PDE4D: variants seen among roughly 807,000 people sequenced by gnomAD.
PDE4D encodes phosphodiesterase 4D.
In PDE4D, 24 loss-of-function variants were observed where a neutral mutation model predicts 87.4. That is an observed-to-expected ratio of 0.27 (90% CI 0.20 to 0.39). The LOEUF (loss-of-function observed/expected upper bound fraction) is 0.39. PDE4D is among the 10% of genes least tolerant of loss of function. The probability of loss-of-function intolerance (pLI) is 1.00; values close to 1 mark genes in which losing one functional copy is unlikely to be tolerated. For missense variants in PDE4D, 714 were observed against 1,041.0 expected, an observed-to-expected ratio of 0.69 and a Z score of 4.32; for synonymous variants, 384 against 383.2, an observed-to-expected ratio of 1.00 and a Z score of -0.02.
chr5:59,687,814 C>G (rs1452536091), intron 1 of PDE4D, among the ~76,000 whole-genome samples: 3 of 152,108 alleles, frequency 2.0e-5, no homozygotes, highest in African/African-American at 7.2e-5. Context: ...GTGCTGTATT[C>G]AGGAGACCCA....
intron 1 of PDE4D, among the ~76,000 whole-genome samples, chr5:59,854,172 A>G (rs1416164508): frequency 2.6e-5 from 4 of 152,078 alleles, no homozygotes; most frequent in Admixed American, 2.0e-4. Flanking sequence ...ACTGGTTATG[A>G]GCGCTTTCTC....
chr5:60,339,184 G>GT (rs1269049796), intron 1 of PDE4D, among the ~76,000 whole-genome samples: 3 of 151,690 alleles, frequency 2.0e-5, no homozygotes, highest in East Asian at 1.9e-4. Context: ...TATAATTTTT[G>GT]TTTTTTTCCT....
At chr5:59,360,714 T>C (rs982239128) in intron 1 of PDE4D, among the ~76,000 whole-genome samples, 3 of 152,214 alleles carry the variant, frequency 2.0e-5, no homozygotes, top group African/African-American at 7.2e-5. Context: ...CTAAACCTTA[T>C]ATGAGTCTAC....
At chr5:59,018,729 G>T (rs886341482) in intron 6 of PDE4D, among the ~76,000 whole-genome samples, 1 of 151,952 alleles carries the variant, frequency 6.6e-6, no homozygotes, top group African/African-American at 2.4e-5. Flanking sequence ...CAAAAGTGTT[G>T]TTCCCTAAAA....
At chr5:60,090,672 A>C (rs898996206) in intron 2 of PDE4D, among the ~76,000 whole-genome samples, 4 of 152,186 alleles carry the variant, frequency 2.6e-5, no homozygotes, top group Admixed American at 2.6e-4. Context: ...TGGAAGTCCT[A>C]TCACAGCGGT....
rs533020448 is a variant in PDE4D, at chr5:60,244,502, T to C, written c.-89-58815A>G. On this transcript the variant is annotated intron_variant, in intron 1 of 16. Coordinates refer to the PDE4D transcript ENST00000502484. ...CCCAGAATAGCCAAATCTATCCTAA[T>C]CAAAAGGAACAAAACTGGAGGAATC... Among the ~76,000 whole-genome samples the C allele has an allele frequency of 3.3e-5, 5 of 151,686 alleles. No individual in the cohort carries two copies. The South Asian group carries it at 8.3e-4, about 25-fold the overall frequency.
At position 59,243,448 on chromosome 5, in the gene PDE4D, C is replaced by CTTTT. The variant is rs767287011; in HGVS notation, c.456-27484_456-27481dup. ...TCACTATACAATTTCTTAAAATAACCTTTTTTTTTTTTTTTTTTTTTTTTT... is the reference window on the plus strand; with the variant it reads ...TCACTATACAATTTCTTAAAATAACCTTTTTTTTTTTTTTTTTTTTTTTTTTTTT... On this transcript the variant is annotated intron_variant, in intron 1 of 14. Transcript: ENST00000340635. Among the ~76,000 whole-genome samples the CTTTT allele has an allele frequency of 6.6e-3, 480 of 72,298 alleles. 87 individuals carry two copies. The highest frequency in any genetic ancestry group is 0.022 in the African/African-American group (346 of 16,044). 47.4% of individuals were successfully genotyped at this position (72,298 alleles called of 152,430 possible). A position where few individuals can be genotyped will look rare whatever the true frequency, so the allele number is the denominator to read the frequency against.
intron 1 of PDE4D, among the ~76,000 whole-genome samples, chr5:60,505,576 T>C (rs1323154341): frequency 2.0e-5 from 3 of 152,174 alleles, no homozygotes; most frequent in African/African-American, 7.2e-5. Flanking sequence ...CTTTTCATCA[T>C]AGGTTTGATT....
intron 3 of PDE4D, among the ~76,000 whole-genome samples, chr5:59,985,847 A>C (rs1451386518): frequency 1.3e-5 from 2 of 152,190 alleles, no homozygotes; most frequent in East Asian, 3.9e-4. Flanking sequence ...ATCTGTATAC[A>C]TGAGTTTCAC....
At chr5:59,357,006 G>C in intron 1 of PDE4D, 5 of 852,570 alleles carry the variant, frequency 5.9e-6, no homozygotes, top group Non-Finnish European at 8.1e-6. Flanking sequence ...TGGCAGGCTG[G>C]CTGAGGCAGG....
At chr5:59,517,992 T>C (rs560237056) in intron 1 of PDE4D, among the ~76,000 whole-genome samples, 13 of 152,180 alleles carry the variant, frequency 8.5e-5, no homozygotes, top group Non-Finnish European at 1.8e-4. Flanking sequence ...AATTAATTAT[T>C]TGTTGTTGCT....
chr5:59,137,145 A>G (rs1777192289), intron 5 of PDE4D, among the ~76,000 whole-genome samples: 1 of 152,158 alleles, frequency 6.6e-6, no homozygotes, highest in African/African-American at 2.4e-5. Flanking sequence ...CAGATGCCAA[A>G]GAGTCCTCCT....
intron 3 of PDE4D, among the ~76,000 whole-genome samples, chr5:59,189,737 C>T (rs1270105291): frequency 6.6e-6 from 1 of 152,028 alleles, no homozygotes; most frequent in Non-Finnish European, 1.5e-5. Context: ...AACACCCACA[C>T]CAAAAGATTT....
At chr5:60,213,109 T>C (rs1181460614) in intron 1 of PDE4D, among the ~76,000 whole-genome samples, 1 of 152,156 alleles carries the variant, frequency 6.6e-6, no homozygotes, top group Non-Finnish European at 1.5e-5. Flanking sequence ...TCTCCCTTCT[T>C]CCAGAGAGCT....
At chr5:59,555,567 G>A (rs1818763163) in intron 1 of PDE4D, among the ~76,000 whole-genome samples, 1 of 152,148 alleles carries the variant, frequency 6.6e-6, no homozygotes, top group African/African-American at 2.4e-5. Context: ...TGGAAAAACA[G>A]CAAAAGGAAG....
intron 1 of PDE4D, among the ~76,000 whole-genome samples, chr5:59,233,465 T>A (rs554212773): frequency 6.6e-6 from 1 of 152,306 alleles, no homozygotes; most frequent in Admixed American, 6.5e-5. Flanking sequence ...AAACCCAGAC[T>A]AGAACCACTC....
intron 5 of PDE4D, among the ~76,000 whole-genome samples, chr5:59,179,959 A>C (rs1561642545): frequency 1.3e-5 from 2 of 152,164 alleles, no homozygotes; most frequent in Non-Finnish European, 2.9e-5. Flanking sequence ...AAAACAGACT[A>C]ATAGGAATTG....
intron 1 of PDE4D, among the ~76,000 whole-genome samples, chr5:59,623,136 G>T (rs993021370): frequency 1.3e-5 from 2 of 152,094 alleles, no homozygotes; most frequent in Non-Finnish European, 2.9e-5. Context: ...AATAAATAAT[G>T]CTTCAAAATT....
intron 5 of PDE4D, among the ~76,000 whole-genome samples, chr5:59,155,089 T>C (rs1779970429): frequency 6.6e-6 from 1 of 152,134 alleles, no homozygotes; most frequent in African/African-American, 2.4e-5. Context: ...AATTTGGAAA[T>C]TGGGGAAGTG....
Sources: allele counts gnomAD v4.1 joint callset (sites outside exome capture counted in the v4.1 genomes callset), GRCh38; gene constraint gnomAD v4.1.1; transcripts MANE v1.5; gene names NCBI Gene and HGNC (gene_info 2026-07-23, HGNC 2026-07-21).